The following SPRY3 variants were observed in gnomAD, a reference collection of about 807,000 sequenced individuals.
The protein encoded by SPRY3 is sprouty RTK signaling antagonist 3.
A neutral mutation model predicts 20.2 loss-of-function variants in SPRY3; 15 were observed. The ratio of observed to expected loss-of-function variants is 0.74; its 90% CI spans 0.50 to 1.14. The LOEUF (loss-of-function observed/expected upper bound fraction) is 1.14. SPRY3 is among the 50% of genes most tolerant of loss of function. SPRY3 has a pLI of 0.00. For missense variants in SPRY3, 364 were observed against 363.9 expected (o/e 1.00, Z 0.00); for synonymous variants, 143 against 136.5 (o/e 1.05, Z -0.33).
At chrX:155,684,310 C>G (rs1247297905) in intron 2 of SPRY3, among the ~76,000 whole-genome samples, 1 of 110,866 alleles carries the variant, frequency 9.0e-6, no homozygotes, top group East Asian at 2.9e-4. Flanking sequence ...TCAGAGAAGG[C>G]CAAGGAGCTT....
intron 2 of SPRY3, among the ~76,000 whole-genome samples, chrX:155,730,959 A>T (rs970198020): frequency 2.6e-5 from 4 of 152,106 alleles, no homozygotes; most frequent in Admixed American, 2.6e-4. Flanking sequence ...CAAGGAAGTG[A>T]AAAATCTCTG....
intron 2 of SPRY3, among the ~76,000 whole-genome samples, chrX:155,738,400 A>G (rs1427672499): frequency 6.6e-6 from 1 of 152,188 alleles, no homozygotes; most frequent in African/African-American, 2.4e-5. Context: ...ATGAACAGAC[A>G]TTGAACTAAA....
At chrX:155,684,724 C>G (rs1037240322) in intron 2 of SPRY3, among the ~76,000 whole-genome samples, 1 of 111,811 alleles carries the variant, frequency 8.9e-6, no homozygotes, top group Non-Finnish European at 1.9e-5. Context: ...TTCCTTCATT[C>G]TTGATGATCC....
At chrX:155,710,412 T>C (rs2090978442) in intron 2 of SPRY3, among the ~76,000 whole-genome samples, 1 of 151,768 alleles carries the variant, frequency 6.6e-6, no homozygotes, top group Admixed American at 6.6e-5. Flanking sequence ...GGTATTTAAA[T>C]TTTTGTGTGG....
intron 2 of SPRY3, among the ~76,000 whole-genome samples, chrX:155,755,747 C>T (rs1439630666): frequency 4.6e-5 from 7 of 152,056 alleles, no homozygotes; most frequent in Non-Finnish European, 1.0e-4. Context: ...AGCCTTTGGG[C>T]ATCTGCTTTT....
chrX:155,766,746 T>C (rs879241394), intron 2 of SPRY3, among the ~76,000 whole-genome samples: 1 of 152,206 alleles, frequency 6.6e-6, no homozygotes, highest in South Asian at 2.1e-4. Flanking sequence ...GCTGCTTTAT[T>C]TTCAGTCCCA....
intron 2 of SPRY3, among the ~76,000 whole-genome samples, chrX:155,692,357 C>T (rs2068105756): frequency 9.0e-6 from 1 of 111,276 alleles, no homozygotes; most frequent in African/African-American, 3.3e-5. Context: ...AGAAAATGAA[C>T]TGAACATGTC....
intron 2 of SPRY3, among the ~76,000 whole-genome samples, chrX:155,718,525 A>G (rs1335977569): frequency 6.6e-6 from 1 of 152,208 alleles, no homozygotes; most frequent in African/African-American, 2.4e-5. Context: ...TTAATATGCA[A>G]TAAATATGGC....
chrX:155,737,439 T>C (rs2124569623), intron 2 of SPRY3, among the ~76,000 whole-genome samples: 1 of 152,224 alleles, frequency 6.6e-6, no homozygotes, highest in African/African-American at 2.4e-5. Flanking sequence ...AACAGACAAC[T>C]ATAATACAAT....
chrX:155,754,099 G>A (rs954999247), intron 2 of SPRY3, among the ~76,000 whole-genome samples: 4 of 151,882 alleles, frequency 2.6e-5, no homozygotes, highest in South Asian at 2.1e-4. Flanking sequence ...TTGAAGAAAC[G>A]TAATTTATCT....
intron 2 of SPRY3, among the ~76,000 whole-genome samples, chrX:155,766,955 C>G (rs772487435): frequency 1.2e-3 from 190 of 152,268 alleles, no homozygotes; most frequent in African/African-American, 4.0e-3. Flanking sequence ...GAAGCTCTTT[C>G]TCTTCATCTT....
chrX:155,645,358 G>T (rs1557351760), intron 1 of SPRY3, among the ~76,000 whole-genome samples: 1 of 111,810 alleles, frequency 8.9e-6, no homozygotes, highest in African/African-American at 3.3e-5. Flanking sequence ...CAGTGTCTAT[G>T]AGCCCATTTC....
intron 2 of SPRY3, among the ~76,000 whole-genome samples, chrX:155,723,541 G>C (rs2091076611): frequency 6.6e-6 from 1 of 152,166 alleles, no homozygotes; most frequent in African/African-American, 2.4e-5. Flanking sequence ...CAGTGATGAT[G>C]AGCATTTTTT....
chrX:155,751,664 A>T (rs1415909176), intron 2 of SPRY3, among the ~76,000 whole-genome samples: 2 of 151,890 alleles, frequency 1.3e-5, no homozygotes, highest in Admixed American at 1.3e-4. Context: ...TCAGACACAA[A>T]TATGACAAAT....
intron 2 of SPRY3, among the ~76,000 whole-genome samples, chrX:155,724,855 G>A (rs1260231774): frequency 6.6e-6 from 1 of 152,130 alleles, no homozygotes; most frequent in Non-Finnish European, 1.5e-5. Context: ...CCAACACTAT[G>A]TTGAGTAGGA....
intron 2 of SPRY3, among the ~76,000 whole-genome samples, chrX:155,726,673 G>A (rs2091099793): frequency 6.6e-6 from 1 of 152,080 alleles, no homozygotes; most frequent in African/African-American, 2.4e-5. Context: ...CATTTGCTTA[G>A]TAGATCTTCC....
At chrX:155,653,958 C>T (rs1557352718) in intron 1 of SPRY3, among the ~76,000 whole-genome samples, 1 of 111,778 alleles carries the variant, frequency 8.9e-6, no homozygotes, top group African/African-American at 3.2e-5. Flanking sequence ...AATTATGACA[C>T]CATCTGCCTG....
chrX:155,687,312 G>C (rs769879432), intron 2 of SPRY3, among the ~76,000 whole-genome samples: 1 of 112,773 alleles, frequency 8.9e-6, no homozygotes, highest in South Asian at 3.6e-4. Context: ...CTTTGAGCCT[G>C]ACTGACATGC....
intron 2 of SPRY3, among the ~76,000 whole-genome samples, chrX:155,685,607 C>G (rs777217812): frequency 1.8e-5 from 2 of 110,249 alleles, no homozygotes; most frequent in South Asian, 3.9e-4. Flanking sequence ...TTACTCCTCT[C>G]CATGTGTCTA....
Sources: gnomAD v4.1 joint callset for allele counts (sites outside exome capture counted in the v4.1 genomes callset) on GRCh38, gnomAD v4.1.1 for gene constraint, MANE v1.5 for transcripts, NCBI Gene and HGNC (gene_info 2026-07-23, HGNC 2026-07-21) for gene names.